The following PARPBP variants were observed in gnomAD, a reference collection of about 807,000 sequenced individuals.
PARPBP encodes PCNA-interacting partner.
Under a neutral mutation model 50.0 loss-of-function variants are expected in PARPBP, and 52 were observed. That is an observed-to-expected ratio of 1.04 (90% CI 0.83 to 1.31). The LOEUF (loss-of-function observed/expected upper bound fraction) is 1.31. PARPBP is among the 50% of genes most tolerant of loss of function. The pLI, the probability that PARPBP is intolerant of heterozygous loss-of-function variation, is 0.00. For missense variants in PARPBP, 697 were observed against 672.0 expected, an observed-to-expected ratio of 1.04 and a Z score of -0.41; for synonymous variants, 244 against 232.1, an observed-to-expected ratio of 1.05 and a Z score of -0.47.
chr12:102,166,673 T>C (rs1055209155), intron 6 of PARPBP, among the ~76,000 whole-genome samples: 3 of 152,176 alleles, frequency 2.0e-5, no homozygotes, highest in Non-Finnish European at 2.9e-5. Flanking sequence ...CCCTAGGTTA[T>C]ATTAAGTAGC....
intron 7 of PARPBP, 41 bp from the exon 8 acceptor site, chr12:102,178,551 G>A: frequency 2.2e-6 from 3 of 1,366,644 alleles, no homozygotes; most frequent in Non-Finnish European, 3.0e-6. Context: ...CACCCAGCTG[G>A]GGTGATTATT....
At chr12:102,175,750 C>G (rs1889209197) in intron 7 of PARPBP, 84 bp downstream of exon 7, 1 of 843,842 alleles carries the variant, frequency 1.2e-6, no homozygotes, top group East Asian at 2.8e-5. Context: ...ATTATTGCTA[C>G]TTAAGTCAGA....
rs550349285 is a variant in PARPBP at position 102,129,322 on chromosome 12, T to C, written c.153+5281T>C. 2.0e-5 allele frequency among the ~76,000 whole-genome samples: 3 copies of C among 152,216 alleles called. No homozygotes were observed. The South Asian group carries it at 6.2e-4, about 32-fold the overall frequency. On this transcript the variant is annotated intron_variant, in intron 2 of 10. Transcript: ENST00000327680. ...TTTTTTTTTTAATGGGGTTGTTTTC[T>C]TATTGAGTTTCTTATATATTTTGGA...
In PARPBP at chr12:102,120,214, G is replaced by T; in HGVS notation, c.-76G>T. ...AGCGGCGACAGCGGCGACTGCGGCG[G>T]CCGCGGGAGGGCATCCCGTTGGGGA... On this transcript the variant is annotated 5_prime_UTR_variant, in exon 1 of 11. Coordinates refer to ENST00000327680, the MANE Select transcript of PARPBP (RefSeq NM_017915.5). 4.5e-6 allele frequency: 1 copy of T among 223,930 alleles called. No individual in the cohort carries two copies. Among genetic ancestry groups the T allele is most frequent in the South Asian group, 4.0e-5 (1 of 24,910 alleles). The allele number at this position is 223,930 out of a possible 1,614,324, so 13.9% of individuals were successfully genotyped here.
chr12:102,150,355 T>C (rs1035415054), intron 3 of PARPBP: 3 of 433,970 alleles, frequency 6.9e-6, no homozygotes, highest in Non-Finnish European at 1.4e-5. Flanking sequence ...CAATTTTTGC[T>C]GAAAGTCTCT....
At chr12:102,178,797 TATAA>T (rs753151463) in intron 8 of PARPBP, 27 bp downstream of exon 8, 5 of 1,420,556 alleles carry the variant, frequency 3.5e-6, no homozygotes, top group Non-Finnish European at 4.8e-6. Flanking sequence ...TTATATGTGT[TATAA>T]ATGTTAACTC....
At chr12:102,120,532 C>T (rs939311407) in intron 1 of PARPBP, 11 of 456,138 alleles carry the variant, frequency 2.4e-5, no homozygotes, top group African/African-American at 1.6e-4. Context: ...AAGACAGGCC[C>T]GTAGAGGCCT....
intron 2 of PARPBP, among the ~76,000 whole-genome samples, chr12:102,132,571 T>G (rs1363386825): frequency 6.6e-6 from 1 of 152,232 alleles, no homozygotes; most frequent in East Asian, 1.9e-4. Flanking sequence ...GTAGTATAGT[T>G]TGAAGTTAGG....
rs545504472 is a variant in PARPBP at position 102,194,837 on chromosome 12, T to A, written c.1264-475T>A. Among the ~76,000 whole-genome samples, 38 of 151,878 alleles carry A rather than the reference T, an allele frequency of 2.5e-4. 1 individual carries two copies. In the East Asian group the frequency reaches 7.3e-3, roughly 29 times the overall value. ...CTGTTTTTGATTGACCTCACTTAGT[T>A]CTTTTTTTCATCTTAGCATTTCTTC... On this transcript the variant is annotated intron_variant, in intron 9 of 10. Transcript: ENST00000327680.
chr12:102,150,243 TGATACTATTGTTTGTTCTAGG>T (rs1274889626), intron 3 of PARPBP: 2 of 455,552 alleles, frequency 4.4e-6, no homozygotes, highest in Non-Finnish European at 8.8e-6. Context: ...ACTTAATCTC[TGATACTATTGTTTGTTCTAGG>T]GAAATTTCCA....
chr12:102,137,898 C>T (rs1358616497), intron 2 of PARPBP, among the ~76,000 whole-genome samples: 1 of 152,166 alleles, frequency 6.6e-6, no homozygotes, highest in Non-Finnish European at 1.5e-5. Flanking sequence ...TTAATCCAGT[C>T]TATCATTCTT....
At chr12:102,187,919 A>C (rs1251918633) in intron 9 of PARPBP, among the ~76,000 whole-genome samples, 1 of 152,182 alleles carries the variant, frequency 6.6e-6, no homozygotes, top group East Asian at 1.9e-4. Context: ...ATTTTTAAAA[A>C]ATTAAAAATC....
chr12:102,133,989 A>T (rs1883241064), intron 2 of PARPBP, among the ~76,000 whole-genome samples: 1 of 152,060 alleles, frequency 6.6e-6, no homozygotes, highest in Admixed American at 6.6e-5. Flanking sequence ...AGCTTATAGC[A>T]ATAAACACCT....
intron 1 of PARPBP, 21 bp from the exon 2 acceptor site, chr12:102,123,865 T>C (rs1257539055): frequency 1.3e-6 from 2 of 1,512,768 alleles, no homozygotes; most frequent in Non-Finnish European, 1.8e-6. Flanking sequence ...ACTTTAACTT[T>C]GTATTCTGTC....
At chr12:102,143,053 T>C (rs1303660503) in intron 2 of PARPBP, among the ~76,000 whole-genome samples, 1 of 152,226 alleles carries the variant, frequency 6.6e-6, no homozygotes, top group African/African-American at 2.4e-5. Flanking sequence ...CAGAAGTTTC[T>C]GCTGCCTTTT....
chr12:102,124,119 T>G, intron 2 of PARPBP, 78 bp downstream of exon 2: 2 of 953,232 alleles, frequency 2.1e-6, no homozygotes, highest in Non-Finnish European at 3.2e-6. Context: ...AACTTAAGCT[T>G]AAGAATATTA....
In PARPBP at chr12:102,196,283, A is replaced by C. The variant is rs774604474; in HGVS notation, c.1732A>C (p.Arg578=). The change falls in exon 11 of 11, where the codon AGA becomes CGA. Residue 578 remains arginine (R), a synonymous_variant. Transcript: ENST00000327680. ...SGQAKLTQFF[R]L ...CCAGGCAAAGTTAACTCAGTTTTTTAGACTATAAATTTGTGTCTTATATGC... is the reference window on the plus strand; with the variant it reads ...CCAGGCAAAGTTAACTCAGTTTTTTCGACTATAAATTTGTGTCTTATATGC... The C allele has an allele frequency of 6.3e-6, 10 of 1,577,430 alleles. No individual in the cohort carries two copies. In the East Asian group the frequency reaches 2.2e-4, roughly 35 times the overall value.
At chr12:102,144,549 A>T (rs1305166797) in intron 2 of PARPBP, among the ~76,000 whole-genome samples, 1 of 152,194 alleles carries the variant, frequency 6.6e-6, no homozygotes, top group Non-Finnish European at 1.5e-5. Flanking sequence ...TGTTTTTACA[A>T]TCCCAGTATA....
chr12:102,144,886 A>T (rs992260360), intron 2 of PARPBP, among the ~76,000 whole-genome samples: 1 of 152,190 alleles, frequency 6.6e-6, no homozygotes, highest in African/African-American at 2.4e-5. Context: ...CTACATTTGG[A>T]GAATAGATCC....
Sources: allele counts gnomAD v4.1 joint callset (sites outside exome capture counted in the v4.1 genomes callset), GRCh38; gene constraint gnomAD v4.1.1; transcripts MANE v1.5; gene names NCBI Gene and HGNC (gene_info 2026-07-23, HGNC 2026-07-21).